Variants in PRR16 observed in about 807,000 individuals in gnomAD.
PRR16 encodes proline rich 16.
In PRR16, 6 loss-of-function variants were observed where a neutral mutation model predicts 18.2. The observed-to-expected ratio is 0.33, with a 90% CI of 0.18 to 0.65. The LOEUF (loss-of-function observed/expected upper bound fraction) is 0.65, where lower values mean the gene tolerates loss of function less well. Ranked by LOEUF, PRR16 falls within the 30% of genes least tolerant of loss-of-function variation. The probability of loss-of-function intolerance (pLI) is 0.74; values close to 1 mark genes in which losing one functional copy is unlikely to be tolerated. For synonymous variants in PRR16, 151 were observed against 147.8 expected (o/e 1.02, Z -0.16); for missense variants, 412 against 376.6 (o/e 1.09, Z -0.78).
chr5:120,621,274 A>G (rs574979817), intron 1 of PRR16, among the ~76,000 whole-genome samples: 1 of 151,982 alleles, frequency 6.6e-6, no homozygotes, highest in Non-Finnish European at 1.5e-5. Context: ...GCTATTCTAC[A>G]TTGAAAACTT....
chr5:120,547,250 C>T (rs1752103327), intron 1 of PRR16, among the ~76,000 whole-genome samples: 1 of 152,068 alleles, frequency 6.6e-6, no homozygotes, highest in South Asian at 2.1e-4. Context: ...CTACCTCAAG[C>T]AGGCCTTGAT....
the PRR16 span, among the ~76,000 whole-genome samples, chr5:120,715,496 AATG>A: frequency 6.6e-6 from 1 of 152,312 alleles, no homozygotes; most frequent in South Asian, 2.1e-4. Flanking sequence ...AAATATTTTT[AATG>A]ATAATTCTTC....
chr5:120,581,102 G>C (rs1753256703), intron 1 of PRR16, among the ~76,000 whole-genome samples: 1 of 152,278 alleles, frequency 6.6e-6, no homozygotes, highest in Non-Finnish European at 1.5e-5. Flanking sequence ...AATGGTACCA[G>C]CTCCTCTTTG....
chr5:120,777,973 ATATTT>A, the PRR16 span, among the ~76,000 whole-genome samples: 1 of 152,124 alleles, frequency 6.6e-6, no homozygotes, highest in African/African-American at 2.4e-5. Context: ...GGAAGTTATT[ATATTT>A]AATTCTGAAC....
intron 1 of PRR16, among the ~76,000 whole-genome samples, chr5:120,490,947 A>C (rs1048175668): frequency 2.6e-5 from 4 of 152,218 alleles, no homozygotes; most frequent in African/African-American, 7.2e-5. Context: ...GGATATCAGC[A>C]GCGGAGGCTG....
intron 1 of PRR16, among the ~76,000 whole-genome samples, chr5:120,654,481 T>C (rs1274548347): frequency 6.6e-6 from 1 of 151,932 alleles, no homozygotes; most frequent in Non-Finnish European, 1.5e-5. Context: ...AAGTGTCTTT[T>C]TTTTTTAACT....
chr5:120,739,332 AAC>A, the PRR16 span, among the ~76,000 whole-genome samples: 3 of 152,190 alleles, frequency 2.0e-5, no homozygotes, highest in Non-Finnish European at 4.4e-5. Context: ...CATGTATCTA[AAC>A]ACACATCATT....
At chr5:120,507,157 A>G (rs1401111503) in intron 1 of PRR16, among the ~76,000 whole-genome samples, 1 of 152,146 alleles carries the variant, frequency 6.6e-6, no homozygotes. Flanking sequence ...TAAAGAAACT[A>G]GAAACATAAG....
the PRR16 span, among the ~76,000 whole-genome samples, chr5:120,706,629 T>C: frequency 6.6e-6 from 1 of 152,236 alleles, no homozygotes; most frequent in Non-Finnish European, 1.5e-5. Context: ...AAGTAACATT[T>C]ACTAAGCAAC....
intron 1 of PRR16, among the ~76,000 whole-genome samples, chr5:120,671,640 C>T (rs976921492): frequency 6.6e-6 from 1 of 152,056 alleles, no homozygotes; most frequent in Non-Finnish European, 1.5e-5. Context: ...ACATTTTGCT[C>T]AGTATCTGAG....
chr5:120,575,318 A>AACACACACACACAC (rs3047956), intron 1 of PRR16, among the ~76,000 whole-genome samples: 5,048 of 138,130 alleles, frequency 0.037, 177 homozygotes, highest in African/African-American at 0.068. Context: ...CAGACAAGGA[A>AACACACACACACAC]ACACACACAC....
chr5:120,643,609 C>T (rs937885704), intron 1 of PRR16, among the ~76,000 whole-genome samples: 2 of 152,150 alleles, frequency 1.3e-5, no homozygotes, highest in African/African-American at 4.8e-5. Context: ...AAAAGTATAA[C>T]ATTGATTAAT....
chr5:120,668,019 C>G (rs1349563701), intron 1 of PRR16, among the ~76,000 whole-genome samples: 1 of 152,118 alleles, frequency 6.6e-6, no homozygotes, highest in Non-Finnish European at 1.5e-5. Flanking sequence ...TGTTAACTTT[C>G]TGTCTCGTGG....
At chr5:120,471,980 T>G (rs768499728) in intron 1 of PRR16, among the ~76,000 whole-genome samples, 7 of 152,126 alleles carry the variant, frequency 4.6e-5, no homozygotes, top group Non-Finnish European at 1.0e-4. Context: ...GAATTTAAAC[T>G]CCCAGACCTC....
the PRR16 span, among the ~76,000 whole-genome samples, chr5:120,700,284 G>A: frequency 5.1e-4 from 77 of 152,126 alleles, no homozygotes; most frequent in Admixed American, 4.3e-3. Flanking sequence ...TGTAGCAGGC[G>A]AGTGATAACA....
chr5:120,772,519 A>G, the PRR16 span, among the ~76,000 whole-genome samples: 5 of 152,092 alleles, frequency 3.3e-5, no homozygotes, highest in Admixed American at 2.0e-4. Flanking sequence ...AATAAACTCA[A>G]TATTTCCTAG....
At chr5:120,540,484 T>C (rs1326357459) in intron 1 of PRR16, among the ~76,000 whole-genome samples, 1 of 152,190 alleles carries the variant, frequency 6.6e-6, no homozygotes, top group African/African-American at 2.4e-5. Context: ...TTTTGTACCA[T>C]GTGCCCCTAG....
chr5:120,569,390 G>T (rs1752834877), intron 1 of PRR16, among the ~76,000 whole-genome samples: 2 of 152,152 alleles, frequency 1.3e-5, no homozygotes, highest in Non-Finnish European at 2.9e-5. Flanking sequence ...CAGTGATGGG[G>T]TCTCAGGGTT....
chr5:120,560,809 T>C (rs534484568), intron 1 of PRR16, among the ~76,000 whole-genome samples: 17 of 152,242 alleles, frequency 1.1e-4, no homozygotes, highest in Admixed American at 1.1e-3. Flanking sequence ...TCATTACTTG[T>C]TATTGGTCTG....
Sources: allele counts gnomAD v4.1 joint callset (sites outside exome capture counted in the v4.1 genomes callset), GRCh38; gene constraint gnomAD v4.1.1; transcripts MANE v1.5; gene names NCBI Gene and HGNC (gene_info 2026-07-23, HGNC 2026-07-21).